The following PRKDC variants were observed in gnomAD, a reference collection of about 807,000 sequenced individuals.
PRKDC encodes the protein protein kinase, DNA-activated, catalytic subunit, also known as DNA-dependent protein kinase catalytic subunit.
A neutral mutation model predicts 486.9 loss-of-function variants in PRKDC; 82 were observed. That is an observed-to-expected ratio of 0.17 (90% CI 0.14 to 0.20). The LOEUF (loss-of-function observed/expected upper bound fraction) is 0.20, where lower values mean the gene tolerates loss of function less well. Among genes scored for constraint, PRKDC ranks in the 10% least tolerant of loss-of-function variants. The pLI, the probability that PRKDC is intolerant of heterozygous loss-of-function variation, is 1.00. For synonymous variants in PRKDC, 1,895 were observed against 1,837.0 expected (o/e 1.03, Z -0.81); for missense variants, 4,504 against 5,038.2 (o/e 0.89, Z 3.21).
In PRKDC at chr8:47,930,722, T is replaced by G; in HGVS notation, c.1842A>C (p.Pro614=). The G allele has an allele frequency of 6.3e-7, 1 of 1,591,638 alleles. No individual in the cohort carries two copies. The highest frequency in any genetic ancestry group is 8.6e-7 in the Non-Finnish European group (1 of 1,168,560). Residue 614 remains proline (P), a synonymous_variant, in exon 17 of 86, where the codon CCA becomes CCC. Transcript: ENST00000314191. The part of the protein sequence containing the change: ...PTSDPAANLH[P]AKPKDFSAFI... ...AAGCCGAAAAATCTTTAGGTTTAGC[T>G]GGATGCAAGTTAGCCGCTGGATCTG... is the stretch of plus-strand genomic sequence containing the variant.
intron 54 of PRKDC, among the ~76,000 whole-genome samples, chr8:47,842,434 T>G (rs1476253649): frequency 6.6e-6 from 1 of 151,978 alleles, no homozygotes; most frequent in Non-Finnish European, 1.5e-5. Context: ...CCTAGAGAGA[T>G]CCTATACAGG....
chr8:47,815,428 G>A (rs1295656012), intron 68 of PRKDC, among the ~76,000 whole-genome samples: 1 of 152,180 alleles, frequency 6.6e-6, no homozygotes, highest in Non-Finnish European at 1.5e-5. Context: ...TTTTCTTCCA[G>A]TGCATCAGAG....
intron 25 of PRKDC, among the ~76,000 whole-genome samples, chr8:47,909,523 G>A (rs2089857325): frequency 6.6e-6 from 1 of 152,260 alleles, no homozygotes; most frequent in South Asian, 2.1e-4. Context: ...CACTGAAAAA[G>A]AACAGAATAA....
Position 47,912,509 on chromosome 8 carries a change from G to A in PRKDC, c.2835C>T (p.Ala945=). The change falls in exon 25 of 86, where the codon GCC becomes GCT. Residue 945 remains alanine (A), a synonymous_variant. Coordinates refer to ENST00000314191, the MANE Select transcript of PRKDC (RefSeq NM_006904.7). The stretch of plus-strand genomic sequence containing the variant: ...CCTGTCCCCCTTCTGGCATCTGCGT[G>A]GCTTTGCCCAACATAAACATAACCA... The part of the protein sequence containing the change: ...HSMVMFMLGK[A]TQMPEGGQGA... The A allele has an allele frequency of 6.2e-7, 1 of 1,612,470 alleles. No homozygotes were observed. The highest frequency in any genetic ancestry group is 8.5e-7 in the Non-Finnish European group (1 of 1,179,086).
rs771117415 is a variant in PRKDC at position 47,930,794 on chromosome 8, G to C, written c.1777-7C>G. ...CAGGCGCCTCATCTCCATTCTTAAAGAGTAATTGTAGCAAAGAAACATTGT... is the reference window on the plus strand; with the variant it reads ...CAGGCGCCTCATCTCCATTCTTAAACAGTAATTGTAGCAAAGAAACATTGT... On this transcript the variant is annotated splice_polypyrimidine_tract_variant and splice_region_variant and intron_variant, in intron 16 of 85. Transcript: ENST00000314191. 4 of 1,555,950 alleles carry C rather than the reference G, an allele frequency of 2.6e-6. No individual in the cohort carries two copies. Among genetic ancestry groups the C allele is most frequent in the Non-Finnish European group, 3.5e-6 (4 of 1,153,218 alleles).
intron 61 of PRKDC, 80 bp downstream of exon 61, chr8:47,830,525 A>C: frequency 6.4e-7 from 1 of 1,552,964 alleles, no homozygotes; most frequent in Non-Finnish European, 8.8e-7. Context: ...AGCCTCAGCC[A>C]TGTTTCCTCA....
In PRKDC at chr8:47,778,581, T is replaced by G. The variant is rs1253209968; in HGVS notation, c.11731A>C (p.Ile3911Leu). 2 of 1,613,812 alleles carry G rather than the reference T, an allele frequency of 1.2e-6. No homozygotes were observed. The highest frequency in any genetic ancestry group is 3.3e-5 in the Admixed American group (2 of 59,990). Reference protein sequence around the residue: ...RSHFASSHALICISHWILGIG... With the variant: ...RSHFASSHALLCISHWILGIG... Reference sequence around the variant, plus strand: ...CCGAGGATCCAGTGGCTGATGCATATCAGAGCGTGAGAGCTGGCGAAGTGG... The same window carrying G: ...CCGAGGATCCAGTGGCTGATGCATAGCAGAGCGTGAGAGCTGGCGAAGTGG... The change falls in exon 83 of 86, where the codon ATA becomes CTA. Residue 3911 changes from isoleucine (I) to leucine (L), a missense_variant. Physicochemically the swap from Ile to Leu is conservative, Grantham distance 5. Transcript: ENST00000314191.
chr8:47,804,022 C>G (rs995634742), intron 69 of PRKDC, among the ~76,000 whole-genome samples: 19 of 152,178 alleles, frequency 1.2e-4, no homozygotes, highest in South Asian at 2.1e-4. Context: ...AACCACCACC[C>G]CTAATTCCAG....
intron 40 of PRKDC, among the ~76,000 whole-genome samples, chr8:47,873,627 A>G (rs898526752): frequency 2.6e-5 from 4 of 152,212 alleles, no homozygotes; most frequent in African/African-American, 4.8e-5. Flanking sequence ...GTCCATCAAC[A>G]GACAAATGGA....
chr8:47,799,190 C>G lies in PRKDC; in HGVS notation c.10297+20G>C. 2 of 1,613,304 alleles carry G rather than the reference C, an allele frequency of 1.2e-6. No homozygotes were observed. Among genetic ancestry groups the G allele is most frequent in the Non-Finnish European group, 1.7e-6 (2 of 1,179,774 alleles). On this transcript the variant is annotated intron_variant, in intron 72 of 85. Coordinates refer to ENST00000314191, the MANE Select transcript of PRKDC (RefSeq NM_006904.7). ...TTATGCTGACATAATGGAACACTAGCTTTTTAATTTTCAATTCACCTGATG... is the reference window on the plus strand; with the variant it reads ...TTATGCTGACATAATGGAACACTAGGTTTTTAATTTTCAATTCACCTGATG...
Position 47,960,065 on chromosome 8 carries a change from G to A in PRKDC, c.62C>T (p.Ala21Val), listed in dbSNP as rs915427878. ...SLLRLQETLS[A>V]ADRCGAALAG... ...CAGGGCAGCACCGCAGCGGTCCGCA[G>A]CGGACAAGGTCTCCTGCAGCCGCAG... Residue 21 changes from alanine (A) to valine (V), a missense_variant, in exon 1 of 86, where the codon GCT becomes GTT. Ala to Val is a moderately conservative substitution (Grantham distance 64). Around this residue, in one of 6 missense-constraint regions of PRKDC, gnomAD observed 145 missense variants for 136.3 expected, o/e 1.06. Coordinates refer to ENST00000314191, the MANE Select transcript of PRKDC (RefSeq NM_006904.7). 6.5e-7 allele frequency: 1 copy of A among 1,532,114 alleles called. No homozygotes were observed. Among genetic ancestry groups the A allele is most frequent in the East Asian group, 2.5e-5 (1 of 40,748 alleles). 94.9% of individuals were successfully genotyped at this position (1,532,114 alleles called of 1,614,324 possible). A position where few individuals can be genotyped will look rare whatever the true frequency, so the allele number is the denominator to read the frequency against.
At chr8:47,863,620 A>G (rs1162042721) in intron 41 of PRKDC, 43 bp from the exon 42 acceptor site, 9 of 1,454,406 alleles carry the variant, frequency 6.2e-6, no homozygotes, top group Non-Finnish European at 8.6e-6. Context: ...CTTATTAAAC[A>G]TGAAATACAT....
In PRKDC at chr8:47,858,523, G is replaced by T; in HGVS notation, c.6458C>A (p.Thr2153Lys). 3 of 1,502,388 alleles carry T rather than the reference G, an allele frequency of 2.0e-6. No homozygotes were observed. Among genetic ancestry groups the T allele is most frequent in the Non-Finnish European group, 2.7e-6 (3 of 1,109,186 alleles). The allele number at this position is 1,502,388 out of a possible 1,614,324, so 93.1% of individuals were successfully genotyped here. Residue 2153 changes from threonine (T) to lysine (K), a missense_variant, in exon 48 of 86, where the codon ACA (threonine) becomes AAA (lysine). Coordinates refer to ENST00000314191, the MANE Select transcript of PRKDC (RefSeq NM_006904.7). ...AAATAATCAATTACTTACCTCTTCTGTATTAATAACAAGCTTGGCTAAGAA... is the reference window on the plus strand; with the variant it reads ...AAATAATCAATTACTTACCTCTTCTTTATTAATAACAAGCTTGGCTAAGAA... ...RLFLAKLVIN[T>K]EEVFRPYAKH...
intron 59 of PRKDC, among the ~76,000 whole-genome samples, chr8:47,832,189 G>A (rs1027670799): frequency 1.3e-5 from 2 of 152,208 alleles, no homozygotes; most frequent in African/African-American, 4.8e-5. Context: ...CGCCCAACTC[G>A]CCTGGCAGTG....
chr8:47,828,067 G>C, intron 62 of PRKDC, 101 bp downstream of exon 62: 1 of 1,152,030 alleles, frequency 8.7e-7, no homozygotes, highest in African/African-American at 1.6e-5. Flanking sequence ...TTAAACACCA[G>C]GTTATCAAGA....
In PRKDC at chr8:47,839,208, A is replaced by G. The variant is rs1322147412; in HGVS notation, c.7493T>C (p.Ile2498Thr). The G allele has an allele frequency of 6.2e-7, 1 of 1,613,748 alleles. No homozygotes were observed. The highest frequency in any genetic ancestry group is 8.5e-7 in the Non-Finnish European group (1 of 1,179,814). Reference protein sequence around the residue: ...ESETDNDSQEIFKLAKDVLIQ... With the variant: ...ESETDNDSQETFKLAKDVLIQ... ...CAGCACATCTTTTGCCAACTTAAAT[A>G]TTTCCTGGGAGTCATTATCTGTCTC... is the stretch of plus-strand genomic sequence containing the variant. Residue 2498 changes from isoleucine to threonine, a missense_variant, in exon 56 of 86, where the codon ATA (isoleucine) becomes ACA (threonine). Around this residue, in one of 6 missense-constraint regions of PRKDC, gnomAD observed 1,592 missense variants for 1,724.6 expected, o/e 0.92. Transcript: ENST00000314191.
In PRKDC at chr8:47,826,777, C is replaced by T. The variant is rs185741285; in HGVS notation, c.8662G>A (p.Val2888Met). 2.8e-5 allele frequency: 45 copies of T among 1,611,366 alleles called. No homozygotes were observed. Among genetic ancestry groups the T allele is most frequent in the African/African-American group, 5.3e-5 (4 of 74,914 alleles). ...GCCTCCTCTAGCAGGCGGATGCCCA[C>T]GGGCTGCTGTAGGCTGGCCAGGCAA... is the stretch of plus-strand genomic sequence containing the variant. Reference protein sequence around the residue: ...AGCLASLQQPVGIRLLEEALL... With the variant: ...AGCLASLQQPMGIRLLEEALL... The change falls in exon 63 of 86, where the codon GTG (valine) becomes ATG (methionine). Residue 2888 changes from valine (V) to methionine (M), a missense_variant. This residue lies in a region of PRKDC where 1,592 missense variants were observed against 1,724.6 expected (regional missense o/e 0.92). Transcript: ENST00000314191.
chr8:47,895,616 A>G (rs1563790969), intron 30 of PRKDC, among the ~76,000 whole-genome samples: 1 of 152,144 alleles, frequency 6.6e-6, no homozygotes, highest in African/African-American at 2.4e-5. Flanking sequence ...AATATAGGAA[A>G]AATGCTGCCC....
intron 40 of PRKDC, among the ~76,000 whole-genome samples, chr8:47,870,128 A>G (rs1003009497): frequency 1.3e-5 from 2 of 152,222 alleles, no homozygotes; most frequent in African/African-American, 4.8e-5. Context: ...GAAGGAAAGA[A>G]CACAAGACTG....
Sources: gnomAD v4.1 joint callset for allele counts (sites outside exome capture counted in the v4.1 genomes callset) on GRCh38, gnomAD v4.1.1 for gene constraint, gnomAD v4.1.1 regional missense constraint, MANE v1.5 for transcripts, NCBI Gene and HGNC (gene_info 2026-07-23, HGNC 2026-07-21) for gene names.